VWF: variants seen among roughly 807,000 people sequenced by gnomAD.
VWF encodes von Willebrand factor.
Under a neutral mutation model 308.6 loss-of-function variants are expected in VWF, and 176 were observed. That is an observed-to-expected ratio of 0.57 (90% CI 0.50 to 0.65). The LOEUF (loss-of-function observed/expected upper bound fraction) is 0.65. VWF is among the 30% of genes least tolerant of loss of function. VWF has a pLI of 0.00. For missense variants in VWF, 3,146 were observed against 3,648.2 expected (o/e 0.86, Z 3.55); for synonymous variants, 1,385 against 1,443.4 (o/e 0.96, Z 0.92).
At chr12:6,006,615 TA>T (rs1158105153) in intron 34 of VWF, among the ~76,000 whole-genome samples, 3 of 151,952 alleles carry the variant, frequency 2.0e-5, no homozygotes, top group Non-Finnish European at 4.4e-5. Flanking sequence ...CCGTCTCTAC[TA>T]AAAATACAAA....
Position 6,046,911 on chromosome 12 carries a change from A to G in VWF, c.2187-94T>C. Reference sequence around the variant, plus strand: ...CTCCCACTCACTCTCTGCCCCTTCCAACCAGGTCCCAGTCCCATAACCCCT... The same window carrying G: ...CTCCCACTCACTCTCTGCCCCTTCCGACCAGGTCCCAGTCCCATAACCCCT... On this transcript the variant is annotated intron_variant, in intron 16 of 51. Coordinates refer to ENST00000261405, the MANE Select transcript of VWF (RefSeq NM_000552.5). The surrounding 1 kb of genome is among the most constrained non-coding windows in gnomAD (Gnocchi z 5.0). The G allele has an allele frequency of 8.6e-7, 1 of 1,156,894 alleles. No individual in the cohort carries two copies. The highest frequency in any genetic ancestry group is 1.3e-5 in the South Asian group (1 of 77,366). The allele number at this position is 1,156,894 out of a possible 1,614,324, so 71.7% of individuals were successfully genotyped here.
intron 14 of VWF, 108 bp downstream of exon 14, chr12:6,057,740 TC>T (rs147201695): frequency 0.066 from 88,284 of 1,342,008 alleles, 3,458 homozygotes; most frequent in African/African-American, 0.13. Context: ...CTTTCCTCGC[TC>T]CCCGCCCCCG....
intron 10 of VWF, among the ~76,000 whole-genome samples, chr12:6,068,835 CGTGTGTGTGTGTGTGTGT>C (rs34977515): frequency 1.1e-5 from 1 of 91,310 alleles, no homozygotes; most frequent in African/African-American, 5.3e-5. Flanking sequence ...TTTTTTTTTG[CGTGTGTGTGTGTGTGTGT>C]GTGTGTGTGT....
At chr12:6,122,723 A>AC (rs1945444983) in intron 2 of VWF, 2 of 524,590 alleles carry the variant, frequency 3.8e-6, no homozygotes, top group Non-Finnish European at 7.6e-6. Context: ...AGGAAGACTG[A>AC]CCTCTGATTT....
chr12:5,957,462 T>G (rs1035801971), intron 47 of VWF, among the ~76,000 whole-genome samples: 1 of 151,996 alleles, frequency 6.6e-6, no homozygotes, highest in African/African-American at 2.4e-5. Flanking sequence ...GGAAGAAAAT[T>G]ACACAAAAGC....
intron 47 of VWF, among the ~76,000 whole-genome samples, chr12:5,964,225 T>C (rs1007499194): frequency 1.3e-4 from 19 of 144,108 alleles, no homozygotes; most frequent in Non-Finnish European, 2.5e-4. Context: ...TAAAAATACA[T>C]ACATACATAC....
At chr12:5,980,327 A>G (rs550427289) in intron 42 of VWF, among the ~76,000 whole-genome samples, 1 of 150,864 alleles carries the variant, frequency 6.6e-6, no homozygotes, top group Non-Finnish European at 1.5e-5. Flanking sequence ...ACCCTTGATC[A>G]GGTATTCTTG....
At chr12:5,973,619 C>T (rs1943502024) in intron 43 of VWF, among the ~76,000 whole-genome samples, 1 of 152,202 alleles carries the variant, frequency 6.6e-6, no homozygotes, top group African/African-American at 2.4e-5. Flanking sequence ...CTCCAGTGTC[C>T]ACAGGCTTCA....
chr12:6,018,755 C>A lies in VWF; in HGVS notation c.4663G>T (p.Ala1555Ser), dbSNP rs1301911610. 1 of 1,613,370 alleles carries A rather than the reference C, an allele frequency of 6.2e-7. No individual in the cohort carries two copies. The highest frequency in any genetic ancestry group is 2.2e-5 in the East Asian group (1 of 44,874). The change falls in exon 28 of 52, where the codon GCA (alanine) becomes TCA (serine). Residue 1555 changes from alanine (A) to serine (S), a missense_variant. Transcript: ENST00000261405. ...MVTVEYPFSEAQSKGDILQRV... is the reference protein window; with the variant it reads ...MVTVEYPFSESQSKGDILQRV... ...TGCAGGATGTCCCCTTTGGACTGTG[C>A]CTCGCTGAAGGGGTACTCCACAGTC...
At chr12:6,050,981 G>T (rs1037436920) in intron 16 of VWF, among the ~76,000 whole-genome samples, 1 of 151,442 alleles carries the variant, frequency 6.6e-6, no homozygotes, top group Admixed American at 6.6e-5. Context: ...AAGTGAACAT[G>T]GATTGAATGT....
At chr12:6,038,529 G>GCGTTCATGGTCCAGGGAGAC (rs3835346) in intron 18 of VWF, among the ~76,000 whole-genome samples, 1 of 151,970 alleles carries the variant, frequency 6.6e-6, no homozygotes, top group Non-Finnish European at 1.5e-5. Flanking sequence ...AACCCACCAT[G>GCGTTCATGGTCCAGGGAGAC]CCTCCTGTCA....
chr12:6,040,814 C>G (rs1411989743), intron 18 of VWF, among the ~76,000 whole-genome samples: 1 of 152,194 alleles, frequency 6.6e-6, no homozygotes, highest in Non-Finnish European at 1.5e-5. Flanking sequence ...CTGCTCTAAG[C>G]AGGTGCCAGG....
At chr12:6,110,819 T>C in intron 4 of VWF, 47 bp downstream of exon 4, 1 of 1,583,386 alleles carries the variant, frequency 6.3e-7, no homozygotes, top group Non-Finnish European at 8.7e-7. Flanking sequence ...GGGGGTTGTG[T>C]CAGGGGATCC....
intron 16 of VWF, among the ~76,000 whole-genome samples, chr12:6,047,379 C>T (rs1435718967): frequency 6.6e-6 from 1 of 152,204 alleles, no homozygotes; most frequent in African/African-American, 2.4e-5. Context: ...CAAAACTAAA[C>T]TCATGATCCC....
intron 46 of VWF, 123 bp downstream of exon 46, chr12:5,968,004 G>A: frequency 7.3e-7 from 1 of 1,370,668 alleles, no homozygotes; most frequent in South Asian, 1.3e-5. Flanking sequence ...GCAGTGGAAA[G>A]CTGGGGTTGG....
At position 6,021,948 on chromosome 12, in the gene VWF, C is replaced by T. The variant is rs1330096689; in HGVS notation, c.3626G>A (p.Gly1209Glu). The T allele has an allele frequency of 6.2e-7, 1 of 1,614,186 alleles. No homozygotes were observed. Among genetic ancestry groups the T allele is most frequent in the East Asian group, 2.2e-5 (1 of 44,878 alleles). ...CEVAGRRFAS[G>E]KKVTLNPSDP... is the part of the protein sequence containing the mutation. ...ACTGGGATTCAAGGTGACTTTCTTT[C>T]CTGAGGCAAAACGCCGGCCAGCCAC... The change falls in exon 27 of 52, where the codon GGA becomes GAA. Residue 1209 changes from glycine to glutamate, a missense_variant. By Grantham distance (98) the Gly-to-Glu change is moderately conservative. Around this residue, in one of 3 missense-constraint regions of VWF, gnomAD observed 853 missense variants for 1,177.8 expected, o/e 0.72. Transcript: ENST00000261405.
rs749224980 is a variant in VWF at position 6,019,756 on chromosome 12, G to A, written c.3675-13C>T. ...AACATCACAGTGGCTGCAGAAAAGA[G>A]CGAAGAAATTAAAATGGTTCAGGAA... On this transcript the variant is annotated splice_polypyrimidine_tract_variant and intron_variant, in intron 27 of 51. Coordinates refer to ENST00000261405, the MANE Select transcript of VWF (RefSeq NM_000552.5). This position sits in a 1 kb window ranked among gnomAD's most constrained non-coding sequence, Gnocchi z 5.8. 1.2e-5 allele frequency: 19 copies of A among 1,605,868 alleles called. No individual in the cohort carries two copies. Among genetic ancestry groups the A allele is most frequent in the Non-Finnish European group, 1.6e-5 (19 of 1,176,536 alleles).
chr12:6,028,699 C>T (rs188993986), intron 22 of VWF, among the ~76,000 whole-genome samples: 1 of 152,288 alleles, frequency 6.6e-6, no homozygotes, highest in African/African-American at 2.4e-5. Flanking sequence ...CCTTTACAGA[C>T]AAGCAAATGC....
At chr12:6,092,752 T>A (rs1945064013) in intron 6 of VWF, among the ~76,000 whole-genome samples, 1 of 151,656 alleles carries the variant, frequency 6.6e-6, no homozygotes, top group Non-Finnish European at 1.5e-5. Flanking sequence ...GTGCACAAGA[T>A]GCCTCTGTGT....
Sources: allele counts gnomAD v4.1 joint callset (sites outside exome capture counted in the v4.1 genomes callset), GRCh38; gene constraint gnomAD v4.1.1; regional missense constraint gnomAD v4.1.1; non-coding constraint Gnocchi (gnomAD v3.1); transcripts MANE v1.5; gene names NCBI Gene and HGNC (gene_info 2026-07-23, HGNC 2026-07-21).